Variants in LILRA2 observed in about 807,000 individuals in gnomAD.
LILRA2 encodes the protein leukocyte immunoglobulin-like receptor subfamily A member 2.
Under a neutral mutation model 47.9 loss-of-function variants are expected in LILRA2, and 45 were observed. The observed-to-expected ratio is 0.94, with a 90% CI of 0.74 to 1.20. The LOEUF (loss-of-function observed/expected upper bound fraction) is 1.20. Among genes scored for constraint, LILRA2 ranks in the 50% most tolerant of loss-of-function variants. The pLI, the probability that LILRA2 is intolerant of heterozygous loss-of-function variation, is 0.00. For missense variants in LILRA2, 651 were observed against 598.2 expected (o/e 1.09, Z -0.92); for synonymous variants, 279 against 249.2 (o/e 1.12, Z -1.13).
Position 54,579,280 on chromosome 19 carries a change from A to T in LILRA2, c.1255+3171A>T, listed in dbSNP as rs1164350275. Among the ~76,000 whole-genome samples the T allele has an allele frequency of 4.6e-5, 7 of 152,212 alleles. No individual in the cohort carries two copies. In the South Asian group the frequency reaches 1.4e-3, roughly 32 times the overall value. On this transcript the variant is annotated intron_variant, in intron 6 of 7. Transcript: ENST00000391738. ...GTCTTTAATCCATCTTGACTTAATT[A>T]TCGTATAGGGTGTAAGGAAGGGATC...
At chr19:54,573,429 C>G (rs574507273), upstream of LILRA2, 1 of 1,007,516 alleles carries the variant, frequency 9.9e-7, no homozygotes, top group Non-Finnish European at 1.5e-6. Context: ...GAGGGACGAC[C>G]GCCATGGTAA....
At position 54,575,393 on chromosome 19, in the gene LILRA2, C is replaced by T; in HGVS notation, c.793C>T (p.Gln265Ter). 3 of 1,614,120 alleles carry T rather than the reference C, an allele frequency of 1.9e-6. No individual in the cohort carries two copies. Among genetic ancestry groups the T allele is most frequent in the Non-Finnish European group, 2.5e-6 (3 of 1,179,998 alleles). Residue 265 changes from glutamine (Q) to a stop codon, truncating the protein, a stop_gained, in exon 5 of 8, where the codon CAG (glutamine) becomes TAG (stop). Transcript: ENST00000391738. LOFTEE classifies it high-confidence loss of function. Reference protein sequence around the residue: ...LYKEGERDFLQRPGWQPQAGL... With the variant: ...LYKEGERDFL ...TAAGGAGGGAGAACGTGACTTCCTC[C>T]AGCGCCCTGGTTGGCAGCCCCAGGC...
In LILRA2 at chr19:54,579,941, A is replaced by G. The variant is rs1288527990; in HGVS notation, c.1255+3832A>G. 2.0e-5 allele frequency among the ~76,000 whole-genome samples: 3 copies of G among 152,118 alleles called. No homozygotes were observed. The East Asian group carries it at 5.8e-4, about 29-fold the overall frequency. ...TTATTGGTTTATAGGAATGCTTGTA[A>G]TTTTTGCACATTGATTTTGTATCCT... On this transcript the variant is annotated intron_variant, in intron 6 of 7. Transcript: ENST00000391738.
intron 6 of LILRA2, among the ~76,000 whole-genome samples, chr19:54,580,189 T>TTTCAAAGGGAATAC: frequency 7.3e-6 from 1 of 136,996 alleles, no homozygotes; most frequent in African/African-American, 3.1e-5. Context: ...TTGTGCCGGT[T>TTTCAAAGGGAATAC]TTCTTTTCTT....
Position 54,574,095 on chromosome 19 carries a change from G to C in LILRA2, c.54G>C (p.Arg18Ser), listed in dbSNP as rs761824349. 1 of 1,614,222 alleles carries C rather than the reference G, an allele frequency of 6.2e-7. No homozygotes were observed. Among genetic ancestry groups the C allele is most frequent in the East Asian group, 2.2e-5 (1 of 44,882 alleles). The change falls in exon 2 of 8, where the codon AGG (arginine) becomes AGC (serine). Residue 18 changes from arginine to serine, a missense_variant. Physicochemically the swap from Arg to Ser is moderately radical, Grantham distance 110 (BLOSUM62 -1). Coordinates refer to ENST00000391738, the MANE Select transcript of LILRA2 (RefSeq NM_001130917.3). The stretch of plus-strand genomic sequence containing the variant: ...TTCCAGGGCTGAGTCTGGGCCCCAG[G>C]ACCCACGTGCAGGCAGGTGAGTCTG... ...LICLGLSLGP[R>S]THVQAGHLPK...
rs368668010 is a variant in LILRA2, at chr19:54,574,929, C to A, written c.551C>A (p.Pro184His). 6.2e-7 allele frequency: 1 copy of A among 1,614,176 alleles called. No individual in the cohort carries two copies. The highest frequency in any genetic ancestry group is 8.5e-7 in the Non-Finnish European group (1 of 1,180,054). The change falls in exon 4 of 8, where the codon CCC (proline) becomes CAC (histidine). Residue 184 changes from proline to histidine, a missense_variant. Physicochemically the swap from Pro to His is moderately conservative, Grantham distance 77 (BLOSUM62 -2). Coordinates refer to ENST00000391738, the MANE Select transcript of LILRA2 (RefSeq NM_001130917.3). ...TCCTGGGCCATCTTCTCCGTGGGCCCCGTGAGCCCGAGTCGCAGGTGGTCG... is the reference window on the plus strand; with the variant it reads ...TCCTGGGCCATCTTCTCCGTGGGCCACGTGAGCCCGAGTCGCAGGTGGTCG... ...GWSWAIFSVG[P>H]VSPSRRWSYR...
At chr19:54,573,330 C>T (rs1330090640), upstream of LILRA2, 2 of 642,068 alleles carry the variant, frequency 3.1e-6, no homozygotes, top group Non-Finnish European at 5.7e-6. Context: ...TCAACCTGAG[C>T]TACACAGCCA....
intron 6 of LILRA2, among the ~76,000 whole-genome samples, chr19:54,585,317 G>A (rs530228619): frequency 6.6e-6 from 1 of 152,334 alleles, no homozygotes; most frequent in Admixed American, 6.5e-5. Flanking sequence ...TGTCTTCAGG[G>A]CTATCAGACA....
At position 54,574,752 on chromosome 19, in the gene LILRA2, T is replaced by C; in HGVS notation, c.374T>C (p.Leu125Pro). Residue 125 changes from leucine (L) to proline (P), a missense_variant, in exon 4 of 8, where the codon CTC (leucine) becomes CCC (proline). By Grantham distance (98) the Leu-to-Pro change is moderately conservative. Coordinates refer to ENST00000391738, the MANE Select transcript of LILRA2 (RefSeq NM_001130917.3). ...CTAGGAGCCTACAGCAAACCCACCC[T>C]CTCAGCTCTGCCCAGCCCTGTGGTG... ...VVTGAYSKPTLSALPSPVVTS... is the reference protein window; with the variant it reads ...VVTGAYSKPTPSALPSPVVTS... The C allele has an allele frequency of 6.2e-7, 1 of 1,614,232 alleles. No individual in the cohort carries two copies. Among genetic ancestry groups the C allele is most frequent in the Non-Finnish European group, 8.5e-7 (1 of 1,180,028 alleles).
intron 6 of LILRA2, among the ~76,000 whole-genome samples, chr19:54,581,475 C>A (rs1264233477): frequency 8.2e-6 from 1 of 122,056 alleles, no homozygotes; most frequent in Non-Finnish European, 1.6e-5. Context: ...TTCCCCATTG[C>A]TTGTTTTTCT....
At chr19:54,584,180 C>A (rs1416971449) in intron 6 of LILRA2, among the ~76,000 whole-genome samples, 1 of 152,166 alleles carries the variant, frequency 6.6e-6, no homozygotes, top group Non-Finnish European at 1.5e-5. Context: ...GGTAACCAGA[C>A]CTTTCTCTCT....
At position 54,580,196 on chromosome 19, in the gene LILRA2, T is replaced by C. The variant is rs1245770734; in HGVS notation, c.1255+4087T>C. Among the ~76,000 whole-genome samples, 7 of 131,984 alleles carry C rather than the reference T, an allele frequency of 5.3e-5. 1 individual carries two copies. Among genetic ancestry groups the C allele is most frequent in the Admixed American group, 2.4e-4 (3 of 12,464 alleles). 86.6% of individuals were successfully genotyped at this position (131,984 alleles called of 152,430 possible). The stretch of plus-strand genomic sequence containing the variant: ...TTCTTGTCTTGTGCCGGTTTTCTTT[T>C]CTTTTTTTTTTTTTTTTATTATACT... On this transcript the variant is annotated intron_variant, in intron 6 of 7. Transcript: ENST00000391738.
At position 54,589,184 on chromosome 19, in the gene LILRA2, C is replaced by G. The variant is rs2062884283; in HGVS notation, c.*1838C>G. 1 of 151,566 alleles carries G rather than the reference C, an allele frequency of 6.6e-6. No homozygotes were observed. The highest frequency in any genetic ancestry group is 1.5e-5 in the Non-Finnish European group (1 of 67,902). The allele number at this position is 151,566 out of a possible 1,614,324, so 9.4% of individuals were successfully genotyped here. ...AGGACTCATCCTAATTCGTTATGAT[C>G]CCTTGATCATAACTTAAATGCATTT... On this transcript the variant is annotated 3_prime_UTR_variant, in exon 8 of 8. Transcript: ENST00000391738.
chr19:54,587,444 A>T lies in LILRA2; in HGVS notation c.*98A>T, dbSNP rs1568528837. 8 of 1,548,768 alleles carry T rather than the reference A, an allele frequency of 5.2e-6. No homozygotes were observed. Among genetic ancestry groups the T allele is most frequent in the Non-Finnish European group, 7.0e-6 (8 of 1,141,590 alleles). ...TGGAGGACAATCTAGGACCTACATT[A>T]TCTGGACTGTATGCTGGTCATTTCT... On this transcript the variant is annotated 3_prime_UTR_variant, in exon 8 of 8. Coordinates refer to ENST00000391738, the MANE Select transcript of LILRA2 (RefSeq NM_001130917.3).
Position 54,575,002 on chromosome 19 carries a change from AC to A in LILRA2, c.627del (p.Ser210ValfsTer31). The A allele has an allele frequency of 6.2e-7, 1 of 1,614,118 alleles. No homozygotes were observed. The highest frequency in any genetic ancestry group is 1.7e-5 in the Admixed American group (1 of 60,026). ...DSNSPYVWSL[P>X]SDLLELLVPG... is the part of the protein sequence containing the mutation. ...CGAACTCTCCCTATGTGTGGTCTCTACCCAGTGATCTCCTGGAGCTCCTGGT... is the reference window on the plus strand; with the variant it reads ...CGAACTCTCCCTATGTGTGGTCTCTACCAGTGATCTCCTGGAGCTCCTGGT... On this transcript the variant is annotated frameshift_variant, in exon 4 of 8. Transcript: ENST00000391738. LOFTEE classifies it high-confidence loss of function.
rs1284633512 is a variant in LILRA2 at position 54,573,800 on chromosome 19, C to A, written c.-79C>A. On this transcript the variant is annotated 5_prime_UTR_variant, in exon 1 of 8. Coordinates refer to ENST00000391738, the MANE Select transcript of LILRA2 (RefSeq NM_001130917.3). ...CAAGAAGGATCCAGCCTCCGAGTGT[C>A]CACACCCTGTGCGTCTCTCTGTCCT... The A allele has an allele frequency of 1.9e-6, 3 of 1,611,612 alleles. No homozygotes were observed. Among genetic ancestry groups the A allele is most frequent in the South Asian group, 1.1e-5 (1 of 90,998 alleles).
In LILRA2 at chr19:54,576,029, C is replaced by T; in HGVS notation, c.1175C>T (p.Thr392Ile). ...MGPVTSAHVG[T>I]YRCYSSLSSN... ...CCTGTGACCTCAGCCCACGTGGGGA[C>T]CTACAGATGCTACAGCTCACTCAGC... The change falls in exon 6 of 8, where the codon ACC (threonine) becomes ATC (isoleucine). Residue 392 changes from threonine to isoleucine, a missense_variant. Coordinates refer to ENST00000391738, the MANE Select transcript of LILRA2 (RefSeq NM_001130917.3). The T allele has an allele frequency of 6.2e-7, 1 of 1,613,906 alleles. No homozygotes were observed. Among genetic ancestry groups the T allele is most frequent in the African/African-American group, 1.3e-5 (1 of 74,940 alleles).
upstream of LILRA2, chr19:54,573,359 G>A (rs2062203474): frequency 4.1e-6 from 3 of 726,802 alleles, no homozygotes; most frequent in South Asian, 4.3e-5. Flanking sequence ...GTGCGTCTCT[G>A]CTGATCTGAG....
intron 6 of LILRA2, among the ~76,000 whole-genome samples, chr19:54,576,483 C>T (rs2062445483): frequency 6.6e-6 from 1 of 151,122 alleles, no homozygotes; most frequent in Non-Finnish European, 1.5e-5. Context: ...CAAAACCAGC[C>T]ACTCCCAGCT....
Sources: allele counts gnomAD v4.1 joint callset (sites outside exome capture counted in the v4.1 genomes callset), GRCh38; gene constraint gnomAD v4.1.1; transcripts MANE v1.5; gene names NCBI Gene and HGNC (gene_info 2026-07-23, HGNC 2026-07-21).